Variants in CHST9 observed in about 807,000 individuals in gnomAD.
The protein encoded by CHST9 is carbohydrate sulfotransferase 9.
Under a neutral mutation model 44.4 loss-of-function variants are expected in CHST9, and 41 were observed. That is an observed-to-expected ratio of 0.92 (90% CI 0.72 to 1.20). CHST9 has a LOEUF of 1.20. CHST9 is among the 50% of genes most tolerant of loss of function. CHST9 has a pLI of 0.00. For missense variants in CHST9, 504 were observed against 516.5 expected (o/e 0.98, Z 0.23); for synonymous variants, 171 against 178.4 (o/e 0.96, Z 0.33).
chr18:27,170,318 G>A (rs1210986580), intron 1 of CHST9, among the ~76,000 whole-genome samples: 1 of 152,184 alleles, frequency 6.6e-6, no homozygotes, highest in Non-Finnish European at 1.5e-5. Flanking sequence ...AAAGGTGGCA[G>A]AACTGCCAAA....
At chr18:27,161,058 C>A (rs932849333) in intron 1 of CHST9, among the ~76,000 whole-genome samples, 2 of 152,088 alleles carry the variant, frequency 1.3e-5, no homozygotes, top group Non-Finnish European at 2.9e-5. Context: ...TTTCAAAAAA[C>A]CAGCTCCTGG....
At chr18:27,011,077 T>C (rs1025672221) in intron 4 of CHST9, among the ~76,000 whole-genome samples, 133 of 152,140 alleles carry the variant, frequency 8.7e-4, no homozygotes, top group African/African-American at 3.0e-3. Flanking sequence ...GGCATGGAGA[T>C]TAACAATAAG....
chr18:27,147,351 G>A (rs1157498098), intron 1 of CHST9, among the ~76,000 whole-genome samples: 1 of 152,158 alleles, frequency 6.6e-6, no homozygotes. Context: ...ACAGGTGTGA[G>A]CCACCGCACC....
chr18:27,019,491 T>C (rs534548293), intron 4 of CHST9, among the ~76,000 whole-genome samples: 2 of 152,054 alleles, frequency 1.3e-5, no homozygotes, highest in African/African-American at 4.8e-5. Flanking sequence ...ACTTACAAAA[T>C]AGAGGAAAAG....
At chr18:26,936,880 CTA>C (rs1435167601) in intron 5 of CHST9, among the ~76,000 whole-genome samples, 9 of 152,048 alleles carry the variant, frequency 5.9e-5, no homozygotes, top group Non-Finnish European at 1.2e-4. Context: ...GGTAAATTAA[CTA>C]TTTTTATTTT....
chr18:27,005,228 T>C (rs546744277), intron 4 of CHST9, among the ~76,000 whole-genome samples: 1 of 152,310 alleles, frequency 6.6e-6, no homozygotes, highest in African/African-American at 2.4e-5. Context: ...CTACTACTAA[T>C]AATAAAAAGA....
intron 4 of CHST9, among the ~76,000 whole-genome samples, chr18:26,971,878 C>T (rs1432326001): frequency 6.7e-6 from 1 of 149,440 alleles, no homozygotes; most frequent in Non-Finnish European, 1.5e-5. Flanking sequence ...AGATTTCTGC[C>T]TGGTGGAGCT....
intron 4 of CHST9, among the ~76,000 whole-genome samples, chr18:27,022,046 A>C (rs1480270147): frequency 6.6e-6 from 1 of 152,138 alleles, no homozygotes; most frequent in Non-Finnish European, 1.5e-5. Context: ...GGCCAAGTGC[A>C]TTGTAGTTTA....
intron 5 of CHST9, among the ~76,000 whole-genome samples, chr18:26,943,178 C>G (rs962210655): frequency 2.8e-4 from 43 of 152,120 alleles, no homozygotes; most frequent in African/African-American, 1.0e-3. Context: ...TTTGCTATTT[C>G]ACAATGATGG....
intron 5 of CHST9, among the ~76,000 whole-genome samples, chr18:26,944,122 G>A (rs2056126061): frequency 6.6e-6 from 1 of 152,168 alleles, no homozygotes; most frequent in Non-Finnish European, 1.5e-5. Flanking sequence ...ATAGGATGTG[G>A]TTGGGAAGGA....
chr18:27,073,995 G>A (rs1487805653), intron 2 of CHST9, among the ~76,000 whole-genome samples: 2 of 152,046 alleles, frequency 1.3e-5, no homozygotes, highest in East Asian at 3.9e-4. Context: ...TTGATAAGTA[G>A]CAACAAAGCA....
rs115811379 is a variant in CHST9, at chr18:27,127,466, C to T, written c.121+15223G>A. ...GGATTTAATGGTGGGAAGGTGGTTG[C>T]GGAGAAAAGGACCAGTGGTTGATAG... On this transcript the variant is annotated intron_variant, in intron 2 of 5. Transcript: ENST00000618847. Among the ~76,000 whole-genome samples, 437 of 151,768 alleles carry T rather than the reference C, an allele frequency of 2.9e-3. 3 individuals carry two copies. The highest frequency in any genetic ancestry group is 9.9e-3 in the African/African-American group (408 of 41,360).
rs1055178417 is a variant in CHST9 at position 26,906,990 on chromosome 18, C to A, written c.*9269G>T. On this transcript the variant is annotated 3_prime_UTR_variant, in exon 6 of 6. Transcript: ENST00000618847. The stretch of plus-strand genomic sequence containing the variant: ...TGCCTGGAGAAGAATTGGGATCATG[C>A]AGGATATAGAATGTATAGTGGGAAA... 1.3e-4 allele frequency: 20 copies of A among 152,164 alleles called. No individual in the cohort carries two copies. The highest frequency in any genetic ancestry group is 4.8e-4 in the African/African-American group (20 of 41,382). The allele number at this position is 152,164 out of a possible 1,614,324, so 9.4% of individuals were successfully genotyped here. A position where few individuals can be genotyped will look rare whatever the true frequency, so the allele number is the denominator to read the frequency against.
At chr18:27,159,010 C>T (rs1439412601) in intron 1 of CHST9, among the ~76,000 whole-genome samples, 1 of 152,132 alleles carries the variant, frequency 6.6e-6, no homozygotes, top group Non-Finnish European at 1.5e-5. Context: ...TGGATATTAG[C>T]CCTTTGTCAG....
In CHST9 at chr18:27,084,253, T is replaced by C. The variant is rs183506022; in HGVS notation, c.122-35750A>G. Among the ~76,000 whole-genome samples, 35 of 152,136 alleles carry C rather than the reference T, an allele frequency of 2.3e-4. No homozygotes were observed. The East Asian group carries it at 6.8e-3, about 29-fold the overall frequency. On this transcript the variant is annotated intron_variant, in intron 2 of 5. Transcript: ENST00000618847. Reference sequence around the variant, plus strand: ...TCTTCTTTATATATCTGGTAGAATTTGGCTATGAATCCACCTGGTCTAGGG... The same window carrying C: ...TCTTCTTTATATATCTGGTAGAATTCGGCTATGAATCCACCTGGTCTAGGG...
At chr18:26,946,010 T>C (rs1044905985) in intron 4 of CHST9, among the ~76,000 whole-genome samples, 24 of 152,112 alleles carry the variant, frequency 1.6e-4, no homozygotes, top group African/African-American at 5.6e-4. Flanking sequence ...ATGTTCAGAG[T>C]GGGCTATTTC....
rs149359030 is a variant in CHST9, at chr18:26,917,075, C to A, written c.516G>T (p.Glu172Asp). 3,665 of 1,613,936 alleles carry A rather than the reference C, an allele frequency of 2.3e-3. 15 individuals are homozygous for A. Among genetic ancestry groups the A allele is most frequent in the South Asian group, 6.3e-3 (575 of 91,084 alleles). Reference sequence around the variant, plus strand: ...AAGACCTTCGTTTCTCTTGGGTCTCCTCAGTTTTCTTCCATTTATTATCTT... The same window carrying A: ...AAGACCTTCGTTTCTCTTGGGTCTCATCAGTTTTCTTCCATTTATTATCTT... ...LVKDNKWKKT[E>D]ETQEKRRSFL... The change falls in exon 6 of 6, where the codon GAG (glutamate) becomes GAT (aspartate). Residue 172 changes from glutamate (E) to aspartate (D), a missense_variant. Transcript: ENST00000618847.
intron 2 of CHST9, among the ~76,000 whole-genome samples, chr18:27,097,107 C>T (rs1180433096): frequency 6.6e-6 from 1 of 152,052 alleles, no homozygotes. Flanking sequence ...TCCCGGGATA[C>T]AAGGTTGGTT....
At chr18:27,052,457 C>T (rs907998447) in intron 2 of CHST9, among the ~76,000 whole-genome samples, 16 of 151,980 alleles carry the variant, frequency 1.1e-4, no homozygotes, top group East Asian at 3.9e-4. Context: ...TAGATGGAGA[C>T]GACCCTCTAG....
Sources: gnomAD v4.1 joint callset for allele counts (sites outside exome capture counted in the v4.1 genomes callset) on GRCh38, gnomAD v4.1.1 for gene constraint, MANE v1.5 for transcripts, NCBI Gene and HGNC (gene_info 2026-07-23, HGNC 2026-07-21) for gene names.